Variants in RGS6 observed in about 807,000 individuals in gnomAD.
The protein encoded by RGS6 is regulator of G protein signaling 6.
RGS6 carries 30 observed loss-of-function variants against 78.5 expected under a neutral mutation model. The observed-to-expected ratio is 0.38, with a 90% CI of 0.29 to 0.52. The LOEUF (loss-of-function observed/expected upper bound fraction) is 0.52, where lower values mean the gene tolerates loss of function less well. Among genes scored for constraint, RGS6 ranks in the 20% least tolerant of loss-of-function variants. RGS6 has a pLI of 0.85. For synonymous variants in RGS6, 206 were observed against 206.0 expected (o/e 1.00, Z 0.00); for missense variants, 495 against 609.7 (o/e 0.81, Z 1.98).
chr14:72,097,477 A>G (rs779458264), intron 2 of RGS6, among the ~76,000 whole-genome samples: 12 of 152,238 alleles, frequency 7.9e-5, no homozygotes, highest in Admixed American at 3.9e-4. Context: ...ATCTGAATGA[A>G]TGGCAATAGA....
At chr14:72,399,640 A>G (rs1473600370) in intron 3 of RGS6, among the ~76,000 whole-genome samples, 2 of 152,088 alleles carry the variant, frequency 1.3e-5, no homozygotes, top group Admixed American at 6.6e-5. Context: ...GGTCTTTACA[A>G]TTTGGCATGT....
At chr14:72,039,812 G>GTTTTTTT (rs1555447720) in intron 2 of RGS6, among the ~76,000 whole-genome samples, 2 of 21,488 alleles carry the variant, frequency 9.3e-5, no homozygotes, top group African/African-American at 1.8e-4. Context: ...GTGTTTCATT[G>GTTTTTTT]ATTTTTTTTT....
chr14:72,539,901 T>C (rs2097299101), intron 16 of RGS6, 140 bp from the exon 17 acceptor site: 1 of 694,314 alleles, frequency 1.4e-6, no homozygotes. Flanking sequence ...TGGCTGCTTC[T>C]CTTTTCCCAT....
At chr14:72,440,864 G>T (rs1367359889) in intron 3 of RGS6, among the ~76,000 whole-genome samples, 1 of 152,146 alleles carries the variant, frequency 6.6e-6, no homozygotes, top group Non-Finnish European at 1.5e-5. Flanking sequence ...TGAGTTGCGG[G>T]CATATGTGAG....
At chr14:72,020,463 A>G (rs1211495564) in intron 2 of RGS6, among the ~76,000 whole-genome samples, 2 of 152,148 alleles carry the variant, frequency 1.3e-5, no homozygotes, top group African/African-American at 4.8e-5. Flanking sequence ...CTGTGGCTGC[A>G]TGGTCTGAGG....
the RGS6 span, among the ~76,000 whole-genome samples, chr14:72,623,776 A>G: frequency 6.6e-6 from 1 of 152,214 alleles, no homozygotes; most frequent in African/African-American, 2.4e-5. Context: ...AAGTGCTCCA[A>G]AACAATGACT....
At chr14:72,214,516 A>G (rs1599661584) in intron 2 of RGS6, among the ~76,000 whole-genome samples, 1 of 152,364 alleles carries the variant, frequency 6.6e-6, no homozygotes, top group South Asian at 2.1e-4. Flanking sequence ...TTGAGCTACA[A>G]TGCAGGCGTC....
At chr14:72,500,489 G>A (rs770198451) in intron 13 of RGS6, among the ~76,000 whole-genome samples, 3 of 152,138 alleles carry the variant, frequency 2.0e-5, no homozygotes, top group East Asian at 1.9e-4. Flanking sequence ...ACTTTCTCTC[G>A]GTTTCAGTTT....
chr14:72,169,660 G>T (rs918201776), intron 2 of RGS6, among the ~76,000 whole-genome samples: 2 of 152,058 alleles, frequency 1.3e-5, no homozygotes, highest in South Asian at 4.1e-4. Flanking sequence ...TTTCCTCCTG[G>T]GCACGTAGCT....
intron 2 of RGS6, among the ~76,000 whole-genome samples, chr14:71,971,604 A>G (rs2093807141): frequency 6.6e-6 from 1 of 152,246 alleles, no homozygotes; most frequent in Non-Finnish European, 1.5e-5. Context: ...CAATGGCTTG[A>G]AAACATTTAT....
chr14:71,995,087 T>A (rs538056322), intron 2 of RGS6, among the ~76,000 whole-genome samples: 1 of 152,322 alleles, frequency 6.6e-6, no homozygotes, highest in East Asian at 1.9e-4. Context: ...CTTCTGGGCA[T>A]CTTCAGCACC....
intron 2 of RGS6, among the ~76,000 whole-genome samples, chr14:72,133,231 T>C (rs1334060967): frequency 6.6e-6 from 1 of 152,188 alleles, no homozygotes; most frequent in Non-Finnish European, 1.5e-5. Flanking sequence ...GGTATTTCTT[T>C]TCCATATCCT....
chr14:72,432,240 A>G (rs924815754), intron 3 of RGS6, among the ~76,000 whole-genome samples: 4 of 152,116 alleles, frequency 2.6e-5, no homozygotes, highest in African/African-American at 4.8e-5. Context: ...CCTCCTCAGA[A>G]CCAGTCCTGG....
chr14:71,935,821 T>G (rs2152933738), intron 1 of RGS6, among the ~76,000 whole-genome samples: 1 of 151,932 alleles, frequency 6.6e-6, no homozygotes, highest in South Asian at 2.1e-4. Context: ...GAGAATGATC[T>G]TTGAAGAGGG....
intron 17 of RGS6, chr14:72,541,052 C>T: frequency 7.5e-7 from 1 of 1,335,352 alleles, no homozygotes; most frequent in Non-Finnish European, 9.9e-7. Flanking sequence ...ATACTCAATC[C>T]CGCTCAATCA....
intron 2 of RGS6, among the ~76,000 whole-genome samples, chr14:72,255,297 T>G (rs2056834022): frequency 6.6e-6 from 1 of 152,076 alleles, no homozygotes; most frequent in Non-Finnish European, 1.5e-5. Context: ...AAGAGCCACT[T>G]AAGGGAAGTG....
intron 2 of RGS6, among the ~76,000 whole-genome samples, chr14:72,202,477 C>T (rs2041787112): frequency 6.6e-6 from 1 of 152,182 alleles, no homozygotes; most frequent in African/African-American, 2.4e-5. Context: ...ACCCATTACA[C>T]ATCCCTGTGT....
chr14:72,294,324 A>G (rs571257726), intron 2 of RGS6, among the ~76,000 whole-genome samples: 1 of 152,322 alleles, frequency 6.6e-6, no homozygotes, highest in East Asian at 1.9e-4. Context: ...ACATCTACAG[A>G]CTGGGAGTAG....
intron 2 of RGS6, among the ~76,000 whole-genome samples, chr14:72,016,261 G>GAAAC (rs2086946444): frequency 2.6e-5 from 4 of 152,290 alleles, no homozygotes; most frequent in Admixed American, 6.5e-5. Flanking sequence ...CCATATGGAT[G>GAAAC]TCCAGTTGTC....
Sources: allele counts gnomAD v4.1 joint callset (sites outside exome capture counted in the v4.1 genomes callset), GRCh38; gene constraint gnomAD v4.1.1; transcripts MANE v1.5; gene names NCBI Gene and HGNC (gene_info 2026-07-23, HGNC 2026-07-21).